LAMA2: variants seen among roughly 807,000 people sequenced by gnomAD.
The protein encoded by LAMA2 is laminin subunit alpha-2.
LAMA2 carries 269 observed loss-of-function variants against 364.8 expected under a neutral mutation model. The observed-to-expected ratio is 0.74, with a 90% CI of 0.67 to 0.82. LAMA2 has a LOEUF of 0.82. LAMA2 is among the 40% of genes least tolerant of loss of function. The pLI, the probability that LAMA2 is intolerant of heterozygous loss-of-function variation, is 0.00. For missense variants in LAMA2, 3,807 were observed against 3,873.2 expected (o/e 0.98, Z 0.45); for synonymous variants, 1,379 against 1,370.6 (o/e 1.01, Z -0.14).
chr6:129,293,957 G>A (rs1242229127), intron 20 of LAMA2, among the ~76,000 whole-genome samples: 6 of 152,134 alleles, frequency 3.9e-5, no homozygotes, highest in African/African-American at 1.4e-4. Flanking sequence ...CTGTAATTCA[G>A]CTTCTTCATC....
At chr6:128,928,804 C>T (rs1234732060) in intron 1 of LAMA2, among the ~76,000 whole-genome samples, 1 of 152,184 alleles carries the variant, frequency 6.6e-6, no homozygotes, top group East Asian at 1.9e-4. Context: ...ATTATGTCAA[C>T]CTTAGTCAGA....
At chr6:129,114,730 A>G (rs1776363461) in intron 4 of LAMA2, among the ~76,000 whole-genome samples, 1 of 151,932 alleles carries the variant, frequency 6.6e-6, no homozygotes, top group Admixed American at 6.6e-5. Context: ...TCCATGAGGG[A>G]GAGGGCCATG....
chr6:129,490,923 A>G (rs1389862401), intron 56 of LAMA2: 1 of 152,130 alleles, frequency 6.6e-6, no homozygotes, highest in African/African-American at 2.4e-5. Context: ...CTTTTGAATT[A>G]TCTTACTTGT....
intron 7 of LAMA2, among the ~76,000 whole-genome samples, chr6:129,149,369 A>G (rs1481485941): frequency 6.6e-6 from 1 of 152,116 alleles, no homozygotes; most frequent in Non-Finnish European, 1.5e-5. Context: ...TTCTCAACCC[A>G]AGAAAAGACC....
At chr6:129,290,063 C>T (rs556282113) in intron 19 of LAMA2, among the ~76,000 whole-genome samples, 3 of 152,144 alleles carry the variant, frequency 2.0e-5, no homozygotes, top group African/African-American at 4.8e-5. Flanking sequence ...TTGTGTATAT[C>T]GTTGGTGTCA....
chr6:129,285,772 AGGGATTTTGGG>A (rs1454408048), intron 18 of LAMA2, among the ~76,000 whole-genome samples: 1 of 152,098 alleles, frequency 6.6e-6, no homozygotes, highest in Non-Finnish European at 1.5e-5. Flanking sequence ...CCTCTCTTGA[AGGGATTTTGGG>A]GGAATTTTGT....
chr6:129,157,969 C>T lies in LAMA2; in HGVS notation c.1206+3286C>T, dbSNP rs1195997093. ...TCATTTGTGTCACTGTTGAATTTAACAGCAAGGCCCAGGTCAGCAATGCAG... is the reference window on the plus strand; with the variant it reads ...TCATTTGTGTCACTGTTGAATTTAATAGCAAGGCCCAGGTCAGCAATGCAG... On this transcript the variant is annotated intron_variant, in intron 8 of 64. Coordinates refer to ENST00000421865, the MANE Select transcript of LAMA2 (RefSeq NM_000426.4). The T allele has an allele frequency of 8.7e-6, 14 of 1,613,874 alleles. No individual in the cohort carries two copies. The South Asian group carries it at 8.8e-5, about 10-fold the overall frequency.
chr6:128,907,602 T>C (rs1297413818), intron 1 of LAMA2, among the ~76,000 whole-genome samples: 2 of 152,234 alleles, frequency 1.3e-5, no homozygotes, highest in East Asian at 3.9e-4. Context: ...TGACTTCCTC[T>C]TTTCCTAATT....
intron 21 of LAMA2, among the ~76,000 whole-genome samples, chr6:129,298,438 A>G (rs1773342848): frequency 6.6e-6 from 1 of 152,220 alleles, no homozygotes; most frequent in Admixed American, 6.5e-5. Flanking sequence ...TCCCTCAAGC[A>G]GTATTCTTAT....
chr6:129,255,825 G>A (rs148799860), intron 14 of LAMA2, among the ~76,000 whole-genome samples: 2 of 152,182 alleles, frequency 1.3e-5, no homozygotes, highest in Admixed American at 6.5e-5. Context: ...AATGATTTGG[G>A]TAACTACATT....
intron 45 of LAMA2, 31 bp downstream of exon 45, chr6:129,445,852 C>T: frequency 1.3e-6 from 2 of 1,586,050 alleles, no homozygotes; most frequent in Admixed American, 1.7e-5. Flanking sequence ...GTATCAGTAA[C>T]TGATTGTAAT....
rs572990840 is a variant in LAMA2 at position 129,120,772 on chromosome 6, C to T, written c.639+22357C>T. ...AAATCTTCAAGGAAATTAATATCCT[C>T]GGGTATACACAACCTTTTGCTGTGG... On this transcript the variant is annotated intron_variant, in intron 4 of 64. Transcript: ENST00000421865. 2.7e-4 allele frequency among the ~76,000 whole-genome samples: 41 copies of T among 152,240 alleles called. No homozygotes were observed. The South Asian group carries it at 6.8e-3, about 25-fold the overall frequency.
intron 4 of LAMA2, among the ~76,000 whole-genome samples, chr6:129,098,966 A>G (rs1775345231): frequency 6.6e-6 from 1 of 152,188 alleles, no homozygotes; most frequent in Non-Finnish European, 1.5e-5. Context: ...TGTGCAAGCT[A>G]GGTTACGTGC....
intron 6 of LAMA2, among the ~76,000 whole-genome samples, chr6:129,148,072 C>G (rs894915237): frequency 6.6e-6 from 1 of 152,086 alleles, no homozygotes; most frequent in Non-Finnish European, 1.5e-5. Flanking sequence ...TACAGAGTCC[C>G]TTTGTCTCAC....
chr6:129,475,354 A>G, intron 52 of LAMA2, 36 bp from the exon 53 acceptor site: 1 of 1,235,802 alleles, frequency 8.1e-7, no homozygotes, highest in Non-Finnish European at 1.2e-6. Context: ...AATTGTTTTT[A>G]TTTTTGTTTT....
intron 12 of LAMA2, among the ~76,000 whole-genome samples, chr6:129,199,661 A>T (rs1220795978): frequency 2.0e-5 from 3 of 152,140 alleles, no homozygotes; most frequent in Non-Finnish European, 1.5e-5. Flanking sequence ...AAAGTCAATC[A>T]TGTTTCTTTA....
At chr6:129,208,818 G>A (rs1268309267) in intron 12 of LAMA2, among the ~76,000 whole-genome samples, 1 of 151,964 alleles carries the variant, frequency 6.6e-6, no homozygotes, top group African/African-American at 2.4e-5. Context: ...AAATGCAGCA[G>A]GAAAGGAAAA....
chr6:129,383,035 T>G (rs1778782493), intron 34 of LAMA2, 87 bp from the exon 35 acceptor site: 3 of 1,079,498 alleles, frequency 2.8e-6, no homozygotes, highest in Non-Finnish European at 4.2e-6. Flanking sequence ...AAGTAATATT[T>G]GAAAGAAAAT....
At chr6:129,208,503 G>A (rs1782833427) in intron 12 of LAMA2, among the ~76,000 whole-genome samples, 1 of 150,716 alleles carries the variant, frequency 6.6e-6, no homozygotes, top group Non-Finnish European at 1.5e-5. Context: ...GAGAGAGATA[G>A]AGAGAGGCAG....
Sources: gnomAD v4.1 joint callset for allele counts (sites outside exome capture counted in the v4.1 genomes callset) on GRCh38, gnomAD v4.1.1 for gene constraint, MANE v1.5 for transcripts, NCBI Gene and HGNC (gene_info 2026-07-23, HGNC 2026-07-21) for gene names.